Variants in PLEKHN1 observed in about 807,000 individuals in gnomAD.
The protein encoded by PLEKHN1 is pleckstrin homology domain containing N1.
A neutral mutation model predicts 72.8 loss-of-function variants in PLEKHN1; 68 were observed. The observed-to-expected ratio is 0.93, with a 90% CI of 0.77 to 1.14. The LOEUF is 1.14. Ranked by LOEUF, PLEKHN1 falls within the 50% of genes most tolerant of loss-of-function variation. The probability of loss-of-function intolerance (pLI) is 0.00; values close to 1 mark genes in which losing one functional copy is unlikely to be tolerated. For synonymous variants in PLEKHN1, 454 were observed against 371.6 expected (o/e 1.22, Z -2.55); for missense variants, 1,015 against 840.5 (o/e 1.21, Z -2.57).
chr1:974,968 A>G lies in PLEKHN1; in HGVS notation c.*393A>G. 4.4e-6 allele frequency: 1 copy of G among 228,704 alleles called. No individual in the cohort carries two copies. The highest frequency in any genetic ancestry group is 8.7e-6 in the Non-Finnish European group (1 of 114,392). The allele number at this position is 228,704 out of a possible 1,614,324, so 14.2% of individuals were successfully genotyped here. ...GTCAGAGTATGTGAGGTCAGAGGGC[A>G]TGAGGGTCACAGGTCAGCAAGGTGT... On this transcript the variant is annotated 3_prime_UTR_variant, in exon 16 of 16. Transcript: ENST00000379410.
At chr1:972,244 G>A (rs531583042) in intron 9 of PLEKHN1, 44 bp from the exon 10 acceptor site, 2 of 1,602,320 alleles carry the variant, frequency 1.2e-6, no homozygotes, top group African/African-American at 1.3e-5. Flanking sequence ...GGGGCGCTGA[G>A]GGGTGCACCC....
Position 966,861 on chromosome 1 carries a change from G to A in PLEKHN1, c.183+58G>A. 3 of 1,495,596 alleles carry A rather than the reference G, an allele frequency of 2.0e-6. No individual in the cohort carries two copies. In the South Asian group the frequency reaches 3.8e-5, roughly 19 times the overall value. 92.6% of individuals were successfully genotyped at this position (1,495,596 alleles called of 1,614,324 possible). A position where few individuals can be genotyped will look rare whatever the true frequency, so the allele number is the denominator to read the frequency against. ...GGAGCGTGGCTCTGCCCGCGCGTGT[G>A]TGCCGTGTGTCCGTGCAGCTCAGGG... On this transcript the variant is annotated intron_variant, in intron 2 of 15. Transcript: ENST00000379410.
At chr1:971,630 C>A (rs116396715) in intron 8 of PLEKHN1, 1 of 603,336 alleles carries the variant, frequency 1.7e-6, no homozygotes, top group Non-Finnish European at 2.9e-6. Context: ...CACCCTGGGG[C>A]GGGCAGCATG....
At chr1:971,303 A>ACGCCCCC in intron 7 of PLEKHN1, 21 bp from the exon 8 acceptor site, 2 of 1,495,460 alleles carry the variant, frequency 1.3e-6, no homozygotes, top group Non-Finnish European at 1.8e-6. Context: ...TCATCGCCTG[A>ACGCCCCC]CCCCACCCCC....
In PLEKHN1 at chr1:972,425, G is replaced by C. The variant is rs1643388219; in HGVS notation, c.1002+1G>C. The C allele has an allele frequency of 6.4e-7, 1 of 1,566,844 alleles. No individual in the cohort carries two copies. Among genetic ancestry groups the C allele is most frequent in the Admixed American group, 1.9e-5 (1 of 53,362 alleles). On this transcript the variant is annotated splice_donor_variant, in intron 10 of 15. Coordinates refer to ENST00000379410, the MANE Select transcript of PLEKHN1 (RefSeq NM_032129.3). LOFTEE classifies it high-confidence loss of function. ...TGCCGAGAGCTTCCCAGGGTCGCAG[G>C]TGAGGGGTCAATAGGCCCCACAGCC...
At chr1:969,780 C>T (rs7555426) in intron 2 of PLEKHN1, among the ~76,000 whole-genome samples, 107,529 of 149,430 alleles carry the variant, frequency 0.72, 42,591 homozygotes, top group South Asian at 0.91. Context: ...TGCATGTGTG[C>T]GTGTATGCAT....
In PLEKHN1 at chr1:970,591, T is replaced by C. The variant is rs763342791; in HGVS notation, c.401T>C (p.Leu134Pro). Residue 134 changes from leucine (L) to proline (P), a missense_variant, in exon 4 of 16, where the codon CTC becomes CCC. Physicochemically the swap from Leu to Pro is moderately conservative, Grantham distance 98 (BLOSUM62 -3). Transcript: ENST00000379410. This position sits in a 1 kb window ranked among gnomAD's most constrained non-coding sequence, Gnocchi z 4.2. ...LYFQAHGSEG[L>P]TFQGLLPLTE... is the part of the protein sequence containing the mutation. ...TTCCAGGCCCACGGCTCGGAAGGAC[T>C]CACATTTCAGGTGAGGCGGTGGGCA... is the stretch of plus-strand genomic sequence containing the variant. The C allele has an allele frequency of 3.1e-6, 5 of 1,612,612 alleles. No individual in the cohort carries two copies. Among genetic ancestry groups the C allele is most frequent in the Admixed American group, 1.7e-5 (1 of 59,962 alleles).
At chr1:967,413 C>A (rs2100447799) in intron 2 of PLEKHN1, among the ~76,000 whole-genome samples, 1 of 149,124 alleles carries the variant, frequency 6.7e-6, no homozygotes. Flanking sequence ...AGGGTCTTCA[C>A]AGGGTAGATC....
intron 2 of PLEKHN1, among the ~76,000 whole-genome samples, chr1:969,388 C>T (rs1643164802): frequency 6.6e-6 from 1 of 151,714 alleles, no homozygotes; most frequent in South Asian, 2.1e-4. Context: ...TGTGTGCACA[C>T]ATCTGTGTGT....
Position 974,001 on chromosome 1 carries a change from C to T in PLEKHN1, c.1603C>T (p.Arg535Trp), listed in dbSNP as rs200988214. ...ALQSRAAQRH[R>W]GSAKDGGPQP... The stretch of plus-strand genomic sequence containing the variant: ...GCAGTCCAGAGCCGCTCAGAGACAC[C>T]GGGGCTCAGCCAAGGATGGGGGGCC... Residue 535 changes from arginine to tryptophan, a missense_variant, in exon 14 of 16, where the codon CGG (arginine) becomes TGG (tryptophan). Physicochemically the swap from Arg to Trp is moderately radical, Grantham distance 101 (BLOSUM62 -3). Coordinates refer to ENST00000379410, the MANE Select transcript of PLEKHN1 (RefSeq NM_032129.3). 3.8e-4 allele frequency: 608 copies of T among 1,604,486 alleles called. 1 individual carries two copies. The highest frequency in any genetic ancestry group is 4.5e-4 in the Non-Finnish European group (535 of 1,177,792).
At chr1:973,135 C>A in intron 11 of PLEKHN1, 51 bp from the exon 12 acceptor site, 1 of 1,496,308 alleles carries the variant, frequency 6.7e-7, no homozygotes, top group Non-Finnish European at 9.0e-7. Context: ...CAGAGAGTTG[C>A]ACGGGAGAGG....
At chr1:973,452 A>G (rs769572354) in intron 12 of PLEKHN1, 48 bp from the exon 13 acceptor site, 1 of 1,602,030 alleles carries the variant, frequency 6.2e-7, no homozygotes, top group Admixed American at 1.7e-5. Flanking sequence ...GGGGTGGCCT[A>G]GGCTGTTTCT....
Position 972,362 on chromosome 1 carries a change from G to T in PLEKHN1, c.940G>T (p.Ala314Ser). ...DYGHWLLCLR[A>S]VTHREGAPPL... ...CGGTCACTGGCTGCTGTGCCTTCGCGCTGTCACCCACAGGGAGGGGGCCCC... is the reference window on the plus strand; with the variant it reads ...CGGTCACTGGCTGCTGTGCCTTCGCTCTGTCACCCACAGGGAGGGGGCCCC... Residue 314 changes from alanine to serine, a missense_variant, in exon 10 of 16, where the codon GCT (alanine) becomes TCT (serine). Physicochemically the swap from Ala to Ser is moderately conservative, Grantham distance 99 (BLOSUM62 1). Coordinates refer to ENST00000379410, the MANE Select transcript of PLEKHN1 (RefSeq NM_032129.3). The T allele has an allele frequency of 6.2e-7, 1 of 1,602,954 alleles. No individual in the cohort carries two copies. Among genetic ancestry groups the T allele is most frequent in the South Asian group, 1.1e-5 (1 of 89,494 alleles).
In PLEKHN1 at chr1:972,166, T is replaced by C. The variant is rs191725730; in HGVS notation, c.865+16T>C. 2.4e-4 allele frequency: 384 copies of C among 1,612,004 alleles called. No homozygotes were observed. The African/African-American group carries it at 4.5e-3, about 19-fold the overall frequency. On this transcript the variant is annotated intron_variant, in intron 9 of 15. Coordinates refer to ENST00000379410, the MANE Select transcript of PLEKHN1 (RefSeq NM_032129.3). Reference sequence around the variant, plus strand: ...CTGATTGAAGGTAGGGCCCTGACCCTGGTTCTGCCTCCCGCCTGGCCAGGC... The same window carrying C: ...CTGATTGAAGGTAGGGCCCTGACCCCGGTTCTGCCTCCCGCCTGGCCAGGC...
intron 2 of PLEKHN1, 32 bp downstream of exon 2, chr1:966,835 G>A: frequency 1.3e-6 from 2 of 1,531,728 alleles, no homozygotes; most frequent in Non-Finnish European, 1.8e-6. Context: ...GCTGTGGTCT[G>A]GGAGCGTGGC....
chr1:972,476 G>C (rs1179040258), intron 10 of PLEKHN1, 52 bp downstream of exon 10: 1 of 1,497,746 alleles, frequency 6.7e-7, no homozygotes, highest in African/African-American at 1.4e-5. Flanking sequence ...GGTAAAAAGG[G>C]GGCAGCAGAC....
rs367545274 is a variant in PLEKHN1 at position 970,262 on chromosome 1, C to G, written c.184-15C>G. 1.2e-6 allele frequency: 2 copies of G among 1,611,728 alleles called. No individual in the cohort carries two copies. The highest frequency in any genetic ancestry group is 2.7e-5 in the African/African-American group (2 of 74,886). ...CCCAGGGGAGGCCCCCTCCCCTGAG[C>G]TCTACTCCTCCTAGGACATCCTGGA... On this transcript the variant is annotated splice_polypyrimidine_tract_variant and intron_variant, in intron 2 of 15. Coordinates refer to ENST00000379410, the MANE Select transcript of PLEKHN1 (RefSeq NM_032129.3). This position sits in a 1 kb window ranked among gnomAD's most constrained non-coding sequence, Gnocchi z 4.2.
rs1019773141 is a variant in PLEKHN1, at chr1:973,575, G to T, written c.1369G>T (p.Ala457Ser). 9 of 1,613,202 alleles carry T rather than the reference G, an allele frequency of 5.6e-6. No individual in the cohort carries two copies. Among genetic ancestry groups the T allele is most frequent in the Non-Finnish European group, 7.6e-6 (9 of 1,179,944 alleles). The change falls in exon 13 of 16, where the codon GCC becomes TCC. Residue 457 changes from alanine to serine, a missense_variant. Physicochemically the swap from Ala to Ser is moderately conservative, Grantham distance 99. Coordinates refer to ENST00000379410, the MANE Select transcript of PLEKHN1 (RefSeq NM_032129.3). ...GGAAACATCACACTCGCCCCTCTAT[G>T]CCGACCCCTACACACCACCCGCCAC... is the stretch of plus-strand genomic sequence containing the variant. ...TSETSHSPLYADPYTPPATSH... is the reference protein window; with the variant it reads ...TSETSHSPLYSDPYTPPATSH...
At chr1:972,814 G>A (rs1643409310) in intron 10 of PLEKHN1, 47 bp from the exon 11 acceptor site, 5 of 1,493,562 alleles carry the variant, frequency 3.3e-6, no homozygotes, top group Non-Finnish European at 3.6e-6. Context: ...AGGGGCGGGT[G>A]GGGAGGGGGT....
Sources: allele counts gnomAD v4.1 joint callset (sites outside exome capture counted in the v4.1 genomes callset), GRCh38; gene constraint gnomAD v4.1.1; non-coding constraint Gnocchi (gnomAD v3.1); transcripts MANE v1.5; gene names NCBI Gene and HGNC (gene_info 2026-07-23, HGNC 2026-07-21).